The following SSH1 variants were observed in gnomAD, a reference collection of about 807,000 sequenced individuals.
SSH1 encodes slingshot protein phosphatase 1, also known as protein phosphatase Slingshot homolog 1.
In SSH1, 43 loss-of-function variants were observed where a neutral mutation model predicts 79.7. The observed-to-expected ratio is 0.54, with a 90% CI of 0.42 to 0.70. SSH1 has a LOEUF of 0.70. Among genes scored for constraint, SSH1 ranks in the 30% least tolerant of loss-of-function variants. The pLI, the probability that SSH1 is intolerant of heterozygous loss-of-function variation, is 0.00. For missense variants in SSH1, 1,206 were observed against 1,358.8 expected (o/e 0.89, Z 1.77); for synonymous variants, 599 against 538.3 (o/e 1.11, Z -1.56).
intron 5 of SSH1, among the ~76,000 whole-genome samples, chr12:108,814,880 C>A (rs2037813319): frequency 6.6e-6 from 1 of 151,850 alleles, no homozygotes; most frequent in Admixed American, 6.6e-5. Context: ...TGCGGACGAG[C>A]GCACGGGCCA....
At chr12:108,853,421 G>C in intron 1 of SSH1, 1 of 894,864 alleles carries the variant, frequency 1.1e-6, no homozygotes, top group Non-Finnish European at 1.3e-6. Context: ...GCACCGCTGG[G>C]ACTTGGCATG....
chr12:108,840,186 A>G (rs550227636), intron 2 of SSH1, among the ~76,000 whole-genome samples: 115 of 152,128 alleles, frequency 7.6e-4, no homozygotes, highest in African/African-American at 2.6e-3. Flanking sequence ...ACACCCACAA[A>G]GCAGGAGCCC....
intron 14 of SSH1, among the ~76,000 whole-genome samples, chr12:108,789,875 T>G (rs1430135884): frequency 6.6e-6 from 1 of 152,076 alleles, no homozygotes; most frequent in Admixed American, 6.6e-5. Flanking sequence ...TTCAAACAGA[T>G]AAGAGACAAG....
In SSH1 at chr12:108,792,700, G is replaced by A; in HGVS notation, c.1479C>T (p.Pro493=). The change falls in exon 14 of 15, where the codon CCC becomes CCT. Residue 493 remains proline, a synonymous_variant. Transcript: ENST00000326495. ...TPDGTPESQL[P]FLDDAAQPGL... The stretch of plus-strand genomic sequence containing the variant: ...CGGGCTGGGCGGCATCATCCAAGAA[G>A]GGCAGCTGGCTTTCCGGGGTGCCAT... 6.2e-7 allele frequency: 1 copy of A among 1,613,216 alleles called. No individual in the cohort carries two copies. The highest frequency in any genetic ancestry group is 8.5e-7 in the Non-Finnish European group (1 of 1,180,022).
intron 1 of SSH1, among the ~76,000 whole-genome samples, chr12:108,853,610 A>T (rs1309947781): frequency 6.6e-6 from 1 of 152,066 alleles, no homozygotes; most frequent in East Asian, 1.9e-4. Flanking sequence ...ACCCACCAGG[A>T]GGTGGCAACT....
chr12:108,849,674 A>G (rs928238963), intron 2 of SSH1, among the ~76,000 whole-genome samples: 7 of 151,576 alleles, frequency 4.6e-5, no homozygotes, highest in Non-Finnish European at 4.4e-5. Context: ...ACACTATGCT[A>G]TAAGCTATTA....
intron 2 of SSH1, among the ~76,000 whole-genome samples, chr12:108,839,944 G>C (rs572994289): frequency 6.6e-6 from 1 of 152,146 alleles, no homozygotes; most frequent in African/African-American, 2.4e-5. Context: ...GCCTCAGGAG[G>C]GCCCTGAGAG....
At chr12:108,821,951 G>C (rs1011740090) in intron 3 of SSH1, among the ~76,000 whole-genome samples, 3 of 152,202 alleles carry the variant, frequency 2.0e-5, no homozygotes, top group African/African-American at 7.2e-5. Context: ...AAAGGTAAAG[G>C]CCTTCTCAGC....
chr12:108,843,728 T>G (rs763901309), intron 2 of SSH1, among the ~76,000 whole-genome samples: 22 of 152,012 alleles, frequency 1.4e-4, no homozygotes, highest in Non-Finnish European at 2.6e-4. Flanking sequence ...AGAGACAGGG[T>G]TTCACCATGT....
intron 10 of SSH1, among the ~76,000 whole-genome samples, chr12:108,802,940 G>A (rs148248155): frequency 1.7e-4 from 26 of 152,188 alleles, no homozygotes; most frequent in East Asian, 1.5e-3. Flanking sequence ...CCACCCAAAC[G>A]TCCAAAGGGA....
chr12:108,788,062 C>G lies in SSH1; in HGVS notation c.3076G>C (p.Ala1026Pro). ...TTCCCTGATGGTTTGGAGGTTGCAG[C>G]TGGGTCCCTCGGGGTTCCCTGGGGC... ...HEPQGTPRDP[A>P]ATSKPSGKPA... Residue 1026 changes from alanine to proline, a missense_variant, in exon 15 of 15, where the codon GCT becomes CCT. Physicochemically the swap from Ala to Pro is conservative, Grantham distance 27 (BLOSUM62 -1). Transcript: ENST00000326495. 6.2e-7 allele frequency: 1 copy of G among 1,614,110 alleles called. No homozygotes were observed.
chr12:108,837,781 T>G (rs1196842226), intron 2 of SSH1, among the ~76,000 whole-genome samples: 1 of 152,002 alleles, frequency 6.6e-6, no homozygotes, highest in Non-Finnish European at 1.5e-5. Flanking sequence ...GTTACCAATT[T>G]TTTTTTTTTT....
chr12:108,799,171 C>T lies in SSH1; in HGVS notation c.1178G>A (p.Cys393Tyr). 1 of 1,613,992 alleles carries T rather than the reference C, an allele frequency of 6.2e-7. No individual in the cohort carries two copies. The highest frequency in any genetic ancestry group is 8.5e-7 in the Non-Finnish European group (1 of 1,179,962). ...KRNHSKCLVH[C>Y]KMGVSRSAST... The stretch of plus-strand genomic sequence containing the variant: ...GGCCGAGCGACTCACGCCCATTTTG[C>T]AATGCACCAGGCACTTGGAATGGTT... Residue 393 changes from cysteine (C) to tyrosine (Y), a missense_variant, in exon 13 of 15, where the codon TGC (cysteine) becomes TAC (tyrosine). Transcript: ENST00000326495.
intron 5 of SSH1, among the ~76,000 whole-genome samples, chr12:108,811,910 C>T (rs1023564969): frequency 1.3e-5 from 2 of 152,192 alleles, no homozygotes; most frequent in African/African-American, 4.8e-5. Flanking sequence ...GAAAATTCTT[C>T]AGGCATTTAA....
chr12:108,797,995 T>C (rs1233350167), intron 13 of SSH1, among the ~76,000 whole-genome samples: 1 of 152,182 alleles, frequency 6.6e-6, no homozygotes, highest in Non-Finnish European at 1.5e-5. Context: ...AAAGGAGTAT[T>C]ATAACACACC....
intron 9 of SSH1, among the ~76,000 whole-genome samples, chr12:108,805,886 G>C (rs1038315460): frequency 6.6e-6 from 1 of 152,122 alleles, no homozygotes; most frequent in Non-Finnish European, 1.5e-5. Context: ...GATACTTGCA[G>C]GTCAAGCTGT....
chr12:108,812,086 A>G (rs1480623537), intron 5 of SSH1, among the ~76,000 whole-genome samples: 2 of 152,124 alleles, frequency 1.3e-5, no homozygotes, highest in Admixed American at 6.5e-5. Context: ...CCTCCCAGGT[A>G]GCGCCCTGCC....
intron 13 of SSH1, among the ~76,000 whole-genome samples, chr12:108,793,597 T>C (rs2136990815): frequency 6.6e-6 from 1 of 152,180 alleles, no homozygotes; most frequent in African/African-American, 2.4e-5. Flanking sequence ...GGTCTTGCTA[T>C]GTTGCCCAAG....
chr12:108,789,328 G>C (rs1372899208), intron 14 of SSH1, 84 bp from the exon 15 acceptor site: 6 of 1,431,470 alleles, frequency 4.2e-6, no homozygotes, highest in Non-Finnish European at 5.7e-6. Context: ...AGGGAAAGGG[G>C]TGCGAGGCCG....
Sources: allele counts gnomAD v4.1 joint callset (sites outside exome capture counted in the v4.1 genomes callset), GRCh38; gene constraint gnomAD v4.1.1; transcripts MANE v1.5; gene names NCBI Gene and HGNC (gene_info 2026-07-23, HGNC 2026-07-21).